DGKI: variants seen among roughly 807,000 people sequenced by gnomAD.
DGKI encodes the protein DAG kinase iota.
A neutral mutation model predicts 147.5 loss-of-function variants in DGKI; 55 were observed. The observed-to-expected ratio is 0.37, with a 90% CI of 0.30 to 0.47. The LOEUF (loss-of-function observed/expected upper bound fraction) is 0.47, where lower values mean the gene tolerates loss of function less well. Ranked by LOEUF, DGKI falls within the 20% of genes least tolerant of loss-of-function variation. The pLI, the probability that DGKI is intolerant of heterozygous loss-of-function variation, is 1.00. For missense variants in DGKI, 1,007 were observed against 1,323.8 expected (o/e 0.76, Z 3.71); for synonymous variants, 469 against 477.1 (o/e 0.98, Z 0.22).
intron 27 of DGKI, among the ~76,000 whole-genome samples, chr7:137,455,110 G>C (rs977574060): frequency 1.3e-5 from 2 of 152,122 alleles, no homozygotes; most frequent in South Asian, 4.1e-4. Context: ...CCCAGTTTTA[G>C]AAAATGGGAG....
chr7:137,458,796 C>T (rs1814306100), intron 27 of DGKI, among the ~76,000 whole-genome samples: 1 of 152,174 alleles, frequency 6.6e-6, no homozygotes, highest in Non-Finnish European at 1.5e-5. Context: ...AGTCTTGTCA[C>T]TAATCGTGGT....
chr7:137,668,604 A>G (rs1822729175), intron 3 of DGKI, among the ~76,000 whole-genome samples: 1 of 152,208 alleles, frequency 6.6e-6, no homozygotes, highest in Non-Finnish European at 1.5e-5. Context: ...ACAGGAGAGG[A>G]CAACAAGGGC....
intron 1 of DGKI, among the ~76,000 whole-genome samples, chr7:137,837,774 T>G (rs1563220913): frequency 6.6e-6 from 1 of 152,090 alleles, no homozygotes; most frequent in Non-Finnish European, 1.5e-5. Flanking sequence ...GTCTGTTGTT[T>G]AGAAGCCGCC....
chr7:137,461,803 T>C (rs912349899), intron 27 of DGKI, among the ~76,000 whole-genome samples: 19 of 152,154 alleles, frequency 1.2e-4, no homozygotes, highest in Admixed American at 3.9e-4. Context: ...ACTAAAGTAG[T>C]ATAAATGACT....
chr7:137,485,321 T>G, intron 23 of DGKI, 53 bp downstream of exon 23: 1 of 1,352,968 alleles, frequency 7.4e-7, no homozygotes, highest in African/African-American at 1.5e-5. Context: ...AATTGAAAGA[T>G]GGACTTCATT....
intron 1 of DGKI, among the ~76,000 whole-genome samples, chr7:137,826,112 C>T (rs1429752065): frequency 6.6e-6 from 1 of 152,106 alleles, no homozygotes; most frequent in Non-Finnish European, 1.5e-5. Context: ...GCCTGTGGGT[C>T]CAAGACTGTT....
chr7:137,484,008 A>G (rs1815464575), intron 23 of DGKI, among the ~76,000 whole-genome samples: 1 of 152,098 alleles, frequency 6.6e-6, no homozygotes, highest in Admixed American at 6.6e-5. Context: ...TTTGTCTTCT[A>G]GTGTTTGGTA....
intron 2 of DGKI, among the ~76,000 whole-genome samples, chr7:137,683,114 G>C (rs539581055): frequency 2.5e-4 from 38 of 152,032 alleles, no homozygotes; most frequent in African/African-American, 8.9e-4. Context: ...GCTGGACAGT[G>C]CATCTAATTT....
intron 2 of DGKI, among the ~76,000 whole-genome samples, chr7:137,680,868 C>T (rs543241334): frequency 2.6e-5 from 4 of 152,172 alleles, no homozygotes; most frequent in Non-Finnish European, 4.4e-5. Flanking sequence ...TTAAAATAAA[C>T]GTATTTCTTC....
chr7:137,647,753 G>A lies in DGKI; in HGVS notation c.739-2216C>T, dbSNP rs573681757. ...ACCTTTAGCATCTGCCTACTCAACC[G>A]ATAAGATGAGAACCTTAGTCCACTG... On this transcript the variant is annotated intron_variant, in intron 5 of 32. Transcript: ENST00000614521. 6.6e-5 allele frequency among the ~76,000 whole-genome samples: 10 copies of A among 152,330 alleles called. No individual in the cohort carries two copies. The South Asian group carries it at 1.0e-3, about 16-fold the overall frequency.
chr7:137,667,099 C>T (rs1408159167), intron 3 of DGKI, among the ~76,000 whole-genome samples: 1 of 151,966 alleles, frequency 6.6e-6, no homozygotes, highest in Non-Finnish European at 1.5e-5. Flanking sequence ...GTGGCTGTTC[C>T]TTGTCATATT....
intron 21 of DGKI, among the ~76,000 whole-genome samples, chr7:137,511,412 G>A (rs1016365192): frequency 7.2e-5 from 11 of 152,198 alleles, no homozygotes; most frequent in Admixed American, 6.5e-4. Flanking sequence ...TTTAAGGAAA[G>A]GTCAGCATTC....
At chr7:137,441,993 T>G (rs1015365312) in intron 28 of DGKI, among the ~76,000 whole-genome samples, 1 of 152,198 alleles carries the variant, frequency 6.6e-6, no homozygotes, top group Non-Finnish European at 1.5e-5. Flanking sequence ...GAGTGGTGGA[T>G]AGAAAATTCT....
At chr7:137,484,401 CAT>C (rs1815480319) in intron 23 of DGKI, among the ~76,000 whole-genome samples, 2 of 152,010 alleles carry the variant, frequency 1.3e-5, no homozygotes, top group African/African-American at 4.8e-5. Flanking sequence ...TAAATTTAGG[CAT>C]AGTTATATTC....
chr7:137,550,247 CT>C (rs1818001465), intron 20 of DGKI, among the ~76,000 whole-genome samples: 1 of 149,954 alleles, frequency 6.7e-6, no homozygotes, highest in Non-Finnish European at 1.5e-5. Flanking sequence ...CTCCATGAAA[CT>C]TCTGCCTTGT....
intron 1 of DGKI, among the ~76,000 whole-genome samples, chr7:137,724,081 AG>A (rs1794650850): frequency 6.6e-6 from 1 of 152,140 alleles, no homozygotes; most frequent in African/African-American, 2.4e-5. Flanking sequence ...AGAGAGAGAG[AG>A]AGACAGTCAA....
chr7:137,566,530 C>G lies in DGKI; in HGVS notation c.1947+4645G>C, dbSNP rs114771194. Among the ~76,000 whole-genome samples, 960 of 152,230 alleles carry G rather than the reference C, an allele frequency of 6.3e-3. 12 individuals are homozygous for G. The highest frequency in any genetic ancestry group is 0.022 in the African/African-American group (905 of 41,534). Reference sequence around the variant, plus strand: ...TTTTGCTTTTCTTAGATAGCATTCTCTTTCTTGGAAGCAATTAGAGTCACT... The same window carrying G: ...TTTTGCTTTTCTTAGATAGCATTCTGTTTCTTGGAAGCAATTAGAGTCACT... On this transcript the variant is annotated intron_variant, in intron 19 of 32. Transcript: ENST00000614521.
At chr7:137,420,744 C>T (rs1812534408) in intron 28 of DGKI, among the ~76,000 whole-genome samples, 1 of 152,154 alleles carries the variant, frequency 6.6e-6, no homozygotes, top group African/African-American at 2.4e-5. Context: ...TGTGACCGAG[C>T]ACTGTGGCCC....
intron 1 of DGKI, among the ~76,000 whole-genome samples, chr7:137,716,491 C>G (rs1334201421): frequency 6.6e-6 from 1 of 152,158 alleles, no homozygotes; most frequent in Non-Finnish European, 1.5e-5. Flanking sequence ...TAGGTTAACT[C>G]AAACATAAAG....
Sources: allele counts gnomAD v4.1 joint callset (sites outside exome capture counted in the v4.1 genomes callset), GRCh38; gene constraint gnomAD v4.1.1; transcripts MANE v1.5; gene names NCBI Gene and HGNC (gene_info 2026-07-23, HGNC 2026-07-21).